HOMER1: variants seen among roughly 807,000 people sequenced by gnomAD.
The protein encoded by HOMER1 is homer scaffold protein 1.
Under a neutral mutation model 48.9 loss-of-function variants are expected in HOMER1, and 3 were observed. That is an observed-to-expected ratio of 0.06 (90% CI 0.03 to 0.16). The LOEUF is 0.16. HOMER1 is among the 10% of genes least tolerant of loss of function. The pLI is 1.00. For synonymous variants in HOMER1, 134 were observed against 146.4 expected (o/e 0.92, Z 0.61); for missense variants, 247 against 411.4 (o/e 0.60, Z 3.46).
At chr5:79,381,902 A>G (rs958192097) in intron 8 of HOMER1, among the ~76,000 whole-genome samples, 1 of 151,852 alleles carries the variant, frequency 6.6e-6, no homozygotes, top group South Asian at 2.1e-4. Flanking sequence ...AAAAAAGTAC[A>G]AAGAAATCTG....
At chr5:79,402,855 T>C (rs967370041) in intron 5 of HOMER1, among the ~76,000 whole-genome samples, 2 of 152,226 alleles carry the variant, frequency 1.3e-5, no homozygotes, top group African/African-American at 4.8e-5. Flanking sequence ...TATTTCATCT[T>C]ATTCAGGACC....
chr5:79,474,800 T>A (rs185433321), intron 1 of HOMER1, among the ~76,000 whole-genome samples: 312 of 152,300 alleles, frequency 2.0e-3, no homozygotes, highest in Non-Finnish European at 2.3e-3. Flanking sequence ...TCTAGTATAA[T>A]GAAAACTGAA....
chr5:79,418,447 T>G (rs892378645), intron 5 of HOMER1, among the ~76,000 whole-genome samples: 1 of 152,044 alleles, frequency 6.6e-6, no homozygotes, highest in African/African-American at 2.4e-5. Context: ...GAGTCACCAC[T>G]TTAGCTACAG....
At chr5:79,481,638 C>T (rs1373789514) in intron 1 of HOMER1, among the ~76,000 whole-genome samples, 1 of 152,158 alleles carries the variant, frequency 6.6e-6, no homozygotes, top group Admixed American at 6.5e-5. Flanking sequence ...ATACCTTTGT[C>T]AAGACAGTCT....
In HOMER1 at chr5:79,394,674, A is replaced by C. The variant is rs145696975; in HGVS notation, c.876+2149T>G. On this transcript the variant is annotated intron_variant, in intron 8 of 8. Coordinates refer to ENST00000334082, the MANE Select transcript of HOMER1 (RefSeq NM_004272.5). Reference sequence around the variant, plus strand: ...CTCACTGCAACTCCCAACTCAAGCGAGGCTCAAGTGATCCAAGCAGCTGGG... The same window carrying C: ...CTCACTGCAACTCCCAACTCAAGCGCGGCTCAAGTGATCCAAGCAGCTGGG... Among the ~76,000 whole-genome samples the C allele has an allele frequency of 6.1e-3, 930 of 152,230 alleles. 7 individuals are homozygous for C. The highest frequency in any genetic ancestry group is 0.021 in the African/African-American group (888 of 41,534).
chr5:79,457,426 C>G (rs1751203798), intron 1 of HOMER1, among the ~76,000 whole-genome samples: 1 of 152,214 alleles, frequency 6.6e-6, no homozygotes, highest in South Asian at 2.1e-4. Flanking sequence ...TACAAGTGTC[C>G]TTTTTATGGT....
chr5:79,420,908 C>G (rs1750079442), intron 5 of HOMER1, among the ~76,000 whole-genome samples: 1 of 152,190 alleles, frequency 6.6e-6, no homozygotes, highest in Non-Finnish European at 1.5e-5. Flanking sequence ...GTTGCTCATG[C>G]TCAGTCTGGA....
Position 79,439,153 on chromosome 5 carries a change from T to TA in HOMER1, c.388-5dup, listed in dbSNP as rs769527935. ...GAAGATCCCCGCCTGCGGATTCCTT[T>TA]AAAAAAAGGGGTGGGGGATAAAAAA... On this transcript the variant is annotated splice_polypyrimidine_tract_variant and splice_region_variant and intron_variant, in intron 4 of 8. Transcript: ENST00000334082. 2.4e-5 allele frequency: 38 copies of TA among 1,611,842 alleles called. No individual in the cohort carries two copies. Among genetic ancestry groups the TA allele is most frequent in the Non-Finnish European group, 2.7e-5 (32 of 1,179,358 alleles).
In HOMER1 at chr5:79,495,407, T is replaced by C. The variant is rs544245412; in HGVS notation, c.5+17363A>G. Among the ~76,000 whole-genome samples the C allele has an allele frequency of 9.2e-5, 14 of 152,370 alleles. No homozygotes were observed. The South Asian group carries it at 2.9e-3, about 32-fold the overall frequency. On this transcript the variant is annotated intron_variant, in intron 1 of 8. Coordinates refer to ENST00000334082, the MANE Select transcript of HOMER1 (RefSeq NM_004272.5). ...GGCTCAAAACAAACATGACTGGCTATGTGAAGCTTTCTCTGACCTTCCAAG... is the reference window on the plus strand; with the variant it reads ...GGCTCAAAACAAACATGACTGGCTACGTGAAGCTTTCTCTGACCTTCCAAG...
At chr5:79,452,207 C>A (rs1002368345) in intron 2 of HOMER1, among the ~76,000 whole-genome samples, 5 of 152,172 alleles carry the variant, frequency 3.3e-5, no homozygotes, top group African/African-American at 1.2e-4. Flanking sequence ...CATGAGTCAA[C>A]TGCATACTCA....
intron 8 of HOMER1, among the ~76,000 whole-genome samples, chr5:79,396,491 TC>T (rs1440230233): frequency 6.6e-5 from 10 of 151,912 alleles, no homozygotes; most frequent in Admixed American, 2.0e-4. Context: ...CAAGTGATCC[TC>T]CTCCTCAGCA....
intron 8 of HOMER1, among the ~76,000 whole-genome samples, chr5:79,379,270 AT>A (rs1298037977): frequency 1.2e-5 from 1 of 81,392 alleles, no homozygotes; most frequent in African/African-American, 5.2e-5. Context: ...TATATTATAT[AT>A]TATATATATC....
intron 4 of HOMER1, among the ~76,000 whole-genome samples, chr5:79,446,638 C>T (rs1580456305): frequency 6.6e-6 from 1 of 151,706 alleles, no homozygotes; most frequent in South Asian, 2.1e-4. Context: ...GGGTGCATTT[C>T]TCTCTCTCTC....
chr5:79,512,629 A>C, intron 1 of HOMER1, 141 bp downstream of exon 1: 21 of 715,352 alleles, frequency 2.9e-5, no homozygotes, highest in Non-Finnish European at 4.8e-5. Flanking sequence ...CTAAAAGGTT[A>C]GCATGCCTAT....
chr5:79,378,222 C>CAAAAAAAAAAAAAAAAAAAAAAAAAAA (rs58802660), intron 8 of HOMER1, among the ~76,000 whole-genome samples: 2 of 85,580 alleles, frequency 2.3e-5, no homozygotes, highest in African/African-American at 7.7e-5. Context: ...GACTCTGTCT[C>CAAAAAAAAAAAAAAAAAAAAAAAAAAA]AAAAAAAAAA....
chr5:79,393,766 C>T (rs973062280), intron 8 of HOMER1, among the ~76,000 whole-genome samples: 5 of 152,212 alleles, frequency 3.3e-5, no homozygotes, highest in Middle Eastern at 3.4e-3. Context: ...CTGGAAACAA[C>T]ATAAACTGCC....
chr5:79,512,907 A>G lies in HOMER1; in HGVS notation c.-133T>C. 1 of 777,106 alleles carries G rather than the reference A, an allele frequency of 1.3e-6. No individual in the cohort carries two copies. 48.1% of individuals were successfully genotyped at this position (777,106 alleles called of 1,614,324 possible). ...CCAGATCCTTGTCCGGAGGTATTTC[A>G]AGGATGCTGCCAATTCAATTAGTTC... is the stretch of plus-strand genomic sequence containing the variant. On this transcript the variant is annotated 5_prime_UTR_variant, in exon 1 of 9. Coordinates refer to ENST00000334082, the MANE Select transcript of HOMER1 (RefSeq NM_004272.5).
chr5:79,458,825 C>T (rs991385618), intron 1 of HOMER1, among the ~76,000 whole-genome samples: 2 of 152,162 alleles, frequency 1.3e-5, no homozygotes, highest in African/African-American at 4.8e-5. Flanking sequence ...GGATGATGAA[C>T]TCTGAATTGG....
intron 1 of HOMER1, chr5:79,510,524 T>C: frequency 4.1e-6 from 3 of 734,586 alleles, no homozygotes; most frequent in South Asian, 1.3e-5. Flanking sequence ...AAGATACGAA[T>C]CTCTTAAGGG....
Sources: allele counts gnomAD v4.1 joint callset (sites outside exome capture counted in the v4.1 genomes callset), GRCh38; gene constraint gnomAD v4.1.1; transcripts MANE v1.5; gene names NCBI Gene and HGNC (gene_info 2026-07-23, HGNC 2026-07-21).